SLC4A2: variants seen among roughly 807,000 people sequenced by gnomAD.
The protein encoded by SLC4A2 is anion exchange protein 2.
SLC4A2 carries 36 observed loss-of-function variants against 115.0 expected under a neutral mutation model. The observed-to-expected ratio is 0.31, with a 90% CI of 0.24 to 0.41. The LOEUF is 0.41. Ranked by LOEUF, SLC4A2 falls within the 10% of genes least tolerant of loss-of-function variation. SLC4A2 has a pLI of 1.00. For synonymous variants in SLC4A2, 708 were observed against 708.3 expected (o/e 1.00, Z 0.01); for missense variants, 1,252 against 1,705.6 (o/e 0.73, Z 4.68).
chr7:151,064,913 A>G lies in SLC4A2; in HGVS notation c.525A>G (p.Ala175=). Residue 175 remains alanine, a synonymous_variant, in exon 5 of 23, where the codon GCA becomes GCG. Coordinates refer to ENST00000413384, the MANE Select transcript of SLC4A2 (RefSeq NM_003040.4). ...AGAGGACCAGTCCATCTTCCCCTGC[A>G]CCACTGCCCCACCAGGAGGCGACTC... ...KAERTSPSSP[A]PLPHQEATPR... is the part of the protein sequence containing the mutation. 1 of 1,613,938 alleles carries G rather than the reference A, an allele frequency of 6.2e-7. No homozygotes were observed. Among genetic ancestry groups the G allele is most frequent in the Non-Finnish European group, 8.5e-7 (1 of 1,179,980 alleles).
At chr7:151,068,626 C>T (rs1436308124) in intron 8 of SLC4A2, among the ~76,000 whole-genome samples, 1 of 151,970 alleles carries the variant, frequency 6.6e-6, no homozygotes, top group Non-Finnish European at 1.5e-5. Flanking sequence ...CTCAAGTGAT[C>T]CTCCTGCCTC....
chr7:151,068,602 C>T (rs1279904704), intron 8 of SLC4A2, among the ~76,000 whole-genome samples: 1 of 152,112 alleles, frequency 6.6e-6, no homozygotes, highest in African/African-American at 2.4e-5. Context: ...TCACTGCAAC[C>T]TCCACCTCCC....
chr7:151,070,791 G>C lies in SLC4A2; in HGVS notation c.1629G>C (p.Leu543Phe). 6.2e-7 allele frequency: 1 copy of C among 1,614,054 alleles called. No individual in the cohort carries two copies. Among genetic ancestry groups the C allele is most frequent in the South Asian group, 1.1e-5 (1 of 91,076 alleles). Residue 543 changes from leucine to phenylalanine, a missense_variant, in exon 12 of 23, where the codon TTG (leucine) becomes TTC (phenylalanine). By Grantham distance (22) the Leu-to-Phe change is conservative. This residue lies in a region of SLC4A2 where 87 missense variants were observed against 170.3 expected (regional missense o/e 0.51). Coordinates refer to ENST00000413384, the MANE Select transcript of SLC4A2 (RefSeq NM_003040.4). ...AFVRLREAVE[L>F]DAVLEVPVPV... ...TGCGGCTCCGGGAGGCTGTGGAGTT[G>C]GACGCAGTGTTGGAGGTGCCGGTGC...
chr7:151,065,903 G>A (rs1204365617), intron 5 of SLC4A2, among the ~76,000 whole-genome samples: 2 of 152,174 alleles, frequency 1.3e-5, no homozygotes, highest in Admixed American at 6.5e-5. Context: ...GTAGGACCAC[G>A]TGGCAGGGCC....
rs555020243 is a variant in SLC4A2, at chr7:151,064,462, G to A, written c.218-64G>A. On this transcript the variant is annotated intron_variant, in intron 3 of 22. Transcript: ENST00000413384. ...GGTCCTAGTGGGAGGAGTGGGGCTA[G>A]GGGGCAGGATGGCAGGGGAGGGACA... The A allele has an allele frequency of 8.2e-6, 13 of 1,580,058 alleles. No homozygotes were observed. The South Asian group carries it at 9.2e-5, about 11-fold the overall frequency.
chr7:151,062,010 C>T lies in SLC4A2; in HGVS notation c.23C>T (p.Pro8Leu). 1 of 1,610,702 alleles carries T rather than the reference C, an allele frequency of 6.2e-7. No homozygotes were observed. The highest frequency in any genetic ancestry group is 1.3e-5 in the African/African-American group (1 of 75,052). MSSAPRR[P>L]AKGADSFCTP... ...GCCATGAGCAGCGCCCCTCGGCGCC[C>T]CGCCAAGGGCGCAGATTCTTTCTGT... The change falls in exon 2 of 23, where the codon CCC (proline) becomes CTC (leucine). Residue 8 changes from proline to leucine, a missense_variant. Physicochemically the swap from Pro to Leu is moderately conservative, Grantham distance 98. Transcript: ENST00000413384.
chr7:151,064,797 T>G (rs1436676072), intron 4 of SLC4A2, 30 bp downstream of exon 4: 1 of 1,608,074 alleles, frequency 6.2e-7, no homozygotes, highest in African/African-American at 1.3e-5. Context: ...CTAGGGCATG[T>G]CGGCAGGGCC....
Position 151,074,204 on chromosome 7 carries a change from G to A in SLC4A2, c.2701G>A (p.Ala901Thr). 1.9e-6 allele frequency: 3 copies of A among 1,613,078 alleles called. No individual in the cohort carries two copies. Among genetic ancestry groups the A allele is most frequent in the Non-Finnish European group, 2.5e-6 (3 of 1,180,002 alleles). The change falls in exon 17 of 23, where the codon GCC becomes ACC. Residue 901 changes from alanine (A) to threonine (T), a missense_variant. Transcript: ENST00000413384. ...GAAGCCCCGGGGCCAGCCCAACACG[G>A]CCCTGCTGTCGCTGGTGCTCATGGC... ...QGKPRGQPNT[A>T]LLSLVLMAGT...
At chr7:151,062,992 C>T (rs1797103714) in intron 2 of SLC4A2, 2 of 1,426,578 alleles carry the variant, frequency 1.4e-6, no homozygotes, top group African/African-American at 3.0e-5. Context: ...CCTTGGAGAT[C>T]CCGATGCCCT....
rs1030874327 is a variant in SLC4A2, at chr7:151,073,008, A to G, written c.2535+872A>G. On this transcript the variant is annotated intron_variant, in intron 16 of 22. Coordinates refer to ENST00000413384, the MANE Select transcript of SLC4A2 (RefSeq NM_003040.4). The stretch of plus-strand genomic sequence containing the variant: ...TTTAAAAACTTCTATATTTAATGGC[A>G]CAGTGGCGCCATTAGAGCTCACTGT... Among the ~76,000 whole-genome samples, 6 of 152,150 alleles carry G rather than the reference A, an allele frequency of 3.9e-5. No individual in the cohort carries two copies. In the South Asian group the frequency reaches 8.3e-4, roughly 21 times the overall value.
At chr7:151,072,270 T>C in intron 16 of SLC4A2, 134 bp downstream of exon 16, 1 of 672,798 alleles carries the variant, frequency 1.5e-6, no homozygotes, top group African/African-American at 1.8e-5. Flanking sequence ...CCAACACGTA[T>C]ACCAGGGCTG....
intron 19 of SLC4A2, 97 bp downstream of exon 19, chr7:151,074,938 G>C: frequency 7.9e-7 from 1 of 1,261,896 alleles, no homozygotes; most frequent in Non-Finnish European, 1.1e-6. Context: ...GCAATCCCAG[G>C]GACCTCAGGG....
chr7:151,063,269 G>T, intron 2 of SLC4A2: 1 of 1,100,374 alleles, frequency 9.1e-7, no homozygotes, highest in South Asian at 1.7e-5. Flanking sequence ...GGGGCTGGGG[G>T]AGCTCTCCTG....
chr7:151,069,852 C>T, intron 8 of SLC4A2, 95 bp from the exon 9 acceptor site: 4 of 1,496,918 alleles, frequency 2.7e-6, no homozygotes, highest in African/African-American at 1.4e-5. Context: ...GCCCCGGCAC[C>T]CACCCACCTG....
At position 151,064,977 on chromosome 7, in the gene SLC4A2, C is replaced by T. The variant is rs1797183767; in HGVS notation, c.578+11C>T. 6.5e-7 allele frequency: 1 copy of T among 1,541,872 alleles called. No homozygotes were observed. Among genetic ancestry groups the T allele is most frequent in the Non-Finnish European group, 9.0e-7 (1 of 1,114,804 alleles). ...AGGGGCCCAGGCTGGGTAAGTACAC[C>T]CCAATCAACAGTGTCCCCAACAGAC... is the stretch of plus-strand genomic sequence containing the variant. On this transcript the variant is annotated intron_variant, in intron 5 of 22. Transcript: ENST00000413384.
At position 151,069,978 on chromosome 7, in the gene SLC4A2, C is replaced by G; in HGVS notation, c.1179C>G (p.Thr393=). The change falls in exon 9 of 23, where the codon ACC becomes ACG. Residue 393 remains threonine, a synonymous_variant. Coordinates refer to ENST00000413384, the MANE Select transcript of SLC4A2 (RefSeq NM_003040.4). ...GAVLLDLDQQ[T]LPGVAHQVVE... Reference sequence around the variant, plus strand: ...TGCTCTTGGATCTGGACCAGCAGACCCTGCCCGGAGTGGCCCACCAGGTGG... The same window carrying G: ...TGCTCTTGGATCTGGACCAGCAGACGCTGCCCGGAGTGGCCCACCAGGTGG... 6.2e-7 allele frequency: 1 copy of G among 1,614,038 alleles called. No homozygotes were observed. The highest frequency in any genetic ancestry group is 8.5e-7 in the Non-Finnish European group (1 of 1,180,022).
Position 151,067,970 on chromosome 7 carries a change from G to C in SLC4A2, c.1063G>C (p.Glu355Gln). Residue 355 changes from glutamate (E) to glutamine (Q), a missense_variant, in exon 8 of 23, where the codon GAG becomes CAG. Glu to Gln is a conservative substitution (Grantham distance 29). Transcript: ENST00000413384. ...GATCAAATTTGAAGAGGACGTGGAG[G>C]AGGAGACTGAGCGCTGGGGGAAGCC... is the stretch of plus-strand genomic sequence containing the variant. ...RWIKFEEDVE[E>Q]ETERWGKPHV... is the part of the protein sequence containing the mutation. The C allele has an allele frequency of 6.2e-7, 1 of 1,609,778 alleles. No homozygotes were observed. Among genetic ancestry groups the C allele is most frequent in the South Asian group, 1.1e-5 (1 of 90,468 alleles).
rs1414032522 is a variant in SLC4A2 at position 151,064,197 on chromosome 7, C to T, written c.52-5C>T. 1 of 1,611,522 alleles carries T rather than the reference C, an allele frequency of 6.2e-7. No individual in the cohort carries two copies. Among genetic ancestry groups the T allele is most frequent in the Admixed American group, 1.7e-5 (1 of 59,926 alleles). On this transcript the variant is annotated splice_region_variant and splice_polypyrimidine_tract_variant and intron_variant, in intron 2 of 22. Coordinates refer to ENST00000413384, the MANE Select transcript of SLC4A2 (RefSeq NM_003040.4). ...TGTGTTTTCTCTCTGCCTTCTTCCT[C>T]ACAGCCAGAGCCAGAGAGCTTGGGC...
rs1449422547 is a variant in SLC4A2 at position 151,062,956 on chromosome 7, C to T, written c.51+918C>T. On this transcript the variant is annotated intron_variant, in intron 2 of 22. Coordinates refer to ENST00000413384, the MANE Select transcript of SLC4A2 (RefSeq NM_003040.4). ...TTCCTTGTTCTGGCTGCTGGCACCG[C>T]TATGGAGGGGGCTGCATACCCCCGC... 5.7e-6 allele frequency: 8 copies of T among 1,407,642 alleles called. No homozygotes were observed. The East Asian group carries it at 2.0e-4, about 35-fold the overall frequency. 87.2% of individuals were successfully genotyped at this position (1,407,642 alleles called of 1,614,324 possible). A position where few individuals can be genotyped will look rare whatever the true frequency, so the allele number is the denominator to read the frequency against.
Sources: allele counts gnomAD v4.1 joint callset (sites outside exome capture counted in the v4.1 genomes callset), GRCh38; gene constraint gnomAD v4.1.1; regional missense constraint gnomAD v4.1.1; transcripts MANE v1.5; gene names NCBI Gene and HGNC (gene_info 2026-07-23, HGNC 2026-07-21).